MYO5C: variants seen among roughly 807,000 people sequenced by gnomAD.
MYO5C encodes the protein unconventional myosin-Vc.
MYO5C carries 194 observed loss-of-function variants against 235.7 expected under a neutral mutation model. The observed-to-expected ratio is 0.82, with a 90% confidence interval of 0.73 to 0.93. The LOEUF (loss-of-function observed/expected upper bound fraction) is 0.93. Ranked by LOEUF, MYO5C falls within the 40% of genes least tolerant of loss-of-function variation. MYO5C has a pLI of 0.00. For synonymous variants in MYO5C, 707 were observed against 754.8 expected (o/e 0.94, Z 1.04); for missense variants, 2,038 against 2,127.2 (o/e 0.96, Z 0.82).
intron 32 of MYO5C, 47 bp from the exon 33 acceptor site, chr15:52,214,737 T>A: frequency 1.1e-5 from 14 of 1,279,638 alleles, no homozygotes; most frequent in East Asian, 2.6e-5. Context: ...AGCACTTTAA[T>A]CTATTTTTTT....
Position 52,275,678 on chromosome 15 carries a change from C to G in MYO5C, c.490G>C (p.Gly164Arg). The change falls in exon 5 of 41, where the codon GGT (glycine) becomes CGT (arginine). Residue 164 changes from glycine to arginine, a missense_variant. Coordinates refer to ENST00000261839, the MANE Select transcript of MYO5C (RefSeq NM_018728.4). ...CGAGCCGACACTGTCTTTCCAGCACCTGACTCCCCACTTACAATTATGGAC... is the reference window on the plus strand; with the variant it reads ...CGAGCCGACACTGTCTTTCCAGCACGTGACTCCCCACTTACAATTATGGAC... Reference protein sequence around the residue: ...NQSIIVSGESGAGKTVSARYA... With the variant: ...NQSIIVSGESRAGKTVSARYA... The G allele has an allele frequency of 6.2e-7, 1 of 1,614,222 alleles. No homozygotes were observed. The highest frequency in any genetic ancestry group is 8.5e-7 in the Non-Finnish European group (1 of 1,180,034).
At chr15:52,215,505 G>A (rs751485066) in intron 32 of MYO5C, among the ~76,000 whole-genome samples, 2 of 152,174 alleles carry the variant, frequency 1.3e-5, no homozygotes, top group South Asian at 4.1e-4. Context: ...TCTTGGGGCC[G>A]AGGGACATTG....
At position 52,253,357 on chromosome 15, in the gene MYO5C, G is replaced by C; in HGVS notation, c.1496C>G (p.Ala499Gly). 1.2e-6 allele frequency: 2 copies of C among 1,610,446 alleles called. No individual in the cohort carries two copies. The highest frequency in any genetic ancestry group is 1.1e-5 in the South Asian group (1 of 90,516). Residue 499 changes from alanine (A) to glycine (G), a missense_variant, in exon 12 of 41, where the codon GCA becomes GGA. Transcript: ENST00000261839. ...CAGTAACTCCAGAATTCCCATTTTTGCTTCAATCAGGTCAATAACTGGTTG... is the reference window on the plus strand; with the variant it reads ...CAGTAACTCCAGAATTCCCATTTTTCCTTCAATCAGGTCAATAACTGGTTG... ...DNQPVIDLIE[A>G]KMGILELLDE...
intron 4 of MYO5C, chr15:52,277,762 G>C (rs2037083427): frequency 2.2e-6 from 1 of 446,644 alleles, no homozygotes; most frequent in Non-Finnish European, 4.5e-6. Flanking sequence ...ACGGCACCGG[G>C]TCTCTGATGA....
intron 14 of MYO5C, 69 bp from the exon 15 acceptor site, chr15:52,247,661 G>A (rs544415445): frequency 5.3e-5 from 82 of 1,549,960 alleles, no homozygotes; most frequent in Non-Finnish European, 6.6e-5. Context: ...TACAAGCCAC[G>A]TAAATGGTGA....
At chr15:52,289,204 G>A (rs1227388205) in intron 1 of MYO5C, among the ~76,000 whole-genome samples, 4 of 137,958 alleles carry the variant, frequency 2.9e-5, no homozygotes, top group African/African-American at 1.1e-4. Flanking sequence ...CCCCATGTCC[G>A]TGTCTCCCAA....
In MYO5C at chr15:52,247,416, C is replaced by T. The variant is rs1200347512; in HGVS notation, c.1881+42G>A. ...AGTGCCCTGGCTCCCCAGGGCCTGGCCCTGCCTTTAGACCCCTCACTCTCA... is the reference window on the plus strand; with the variant it reads ...AGTGCCCTGGCTCCCCAGGGCCTGGTCCTGCCTTTAGACCCCTCACTCTCA... On this transcript the variant is annotated intron_variant, in intron 15 of 40. Transcript: ENST00000261839. 5 of 1,604,484 alleles carry T rather than the reference C, an allele frequency of 3.1e-6. No homozygotes were observed. In the South Asian group the frequency reaches 4.5e-5, roughly 14 times the overall value.
At chr15:52,287,659 T>C (rs1303508165) in intron 1 of MYO5C, among the ~76,000 whole-genome samples, 1 of 152,148 alleles carries the variant, frequency 6.6e-6, no homozygotes, top group Non-Finnish European at 1.5e-5. Context: ...AACTCCTTTT[T>C]AGAGCTGCAG....
Position 52,282,817 on chromosome 15 carries a change from C to G in MYO5C, c.103G>C (p.Asp35His). The change falls in exon 2 of 41, where the codon GAC (aspartate) becomes CAC (histidine). Residue 35 changes from aspartate to histidine, a missense_variant. By Grantham distance (81) the Asp-to-His change is moderately conservative (BLOSUM62 -1). Transcript: ENST00000261839. The part of the protein sequence containing the change: ...AEIAKDYRVG[D>H]KVLRLLLEDG... ...TCCAGCAGGAGTCGCAGGACCTTGT[C>G]ACCAACTCTGTAGTCCTTGGCTATT... is the stretch of plus-strand genomic sequence containing the variant. The G allele has an allele frequency of 6.2e-7, 1 of 1,613,848 alleles. No individual in the cohort carries two copies.
chr15:52,268,991 A>C (rs1219698016), intron 8 of MYO5C, among the ~76,000 whole-genome samples: 1 of 152,246 alleles, frequency 6.6e-6, no homozygotes, highest in Non-Finnish European at 1.5e-5. Context: ...GTAGGGATTG[A>C]ATGAGTTCAC....
At chr15:52,245,124 C>T (rs1044910888) in intron 18 of MYO5C, among the ~76,000 whole-genome samples, 3 of 152,190 alleles carry the variant, frequency 2.0e-5, no homozygotes, top group Admixed American at 6.5e-5. Context: ...AAACAGGATA[C>T]GAGGACACTG....
chr15:52,276,713 G>C (rs944869080), intron 4 of MYO5C, among the ~76,000 whole-genome samples: 5 of 152,154 alleles, frequency 3.3e-5, no homozygotes, highest in African/African-American at 7.2e-5. Flanking sequence ...AACATTTCAA[G>C]GACATTATTT....
chr15:52,236,940 C>G (rs2036099711), intron 22 of MYO5C: 1 of 152,220 alleles, frequency 6.6e-6, no homozygotes, highest in Non-Finnish European at 1.5e-5. Flanking sequence ...TTCTGTCAGT[C>G]CTTTTTTGTT....
intron 38 of MYO5C, 23 bp downstream of exon 38, chr15:52,204,842 G>C: frequency 6.2e-7 from 1 of 1,609,462 alleles, no homozygotes; most frequent in Middle Eastern, 1.7e-4. Context: ...CTCTCCGCGT[G>C]AGCGGAGGTT....
intron 9 of MYO5C, among the ~76,000 whole-genome samples, chr15:52,262,599 G>A (rs964557772): frequency 6.6e-6 from 1 of 152,178 alleles, no homozygotes; most frequent in Non-Finnish European, 1.5e-5. Flanking sequence ...GGGAGGTCTG[G>A]ACACTGCAGG....
Position 52,260,538 on chromosome 15 carries a change from G to A in MYO5C, c.1313+324C>T, listed in dbSNP as rs553762204. 1.2e-4 allele frequency among the ~76,000 whole-genome samples: 18 copies of A among 152,308 alleles called. No homozygotes were observed. The South Asian group carries it at 3.3e-3, about 28-fold the overall frequency. On this transcript the variant is annotated intron_variant, in intron 10 of 40. Transcript: ENST00000261839. ...AAGTTATTGAGTCTTTCTAAGCCTT[G>A]GTTGTTGCAGCTCTACAACGGGGAT...
chr15:52,218,593 T>C lies in MYO5C; in HGVS notation c.3880A>G (p.Lys1294Glu). Residue 1294 changes from lysine (K) to glutamate (E), a missense_variant, in exon 32 of 41, where the codon AAA becomes GAA. Coordinates refer to ENST00000261839, the MANE Select transcript of MYO5C (RefSeq NM_018728.4). ...EMQEASDHLK[K>E]QFETESEVKC... ...ACTTCACTTTCAGTTTCAAATTGTT[T>C]CTTCAAGTGGTCACTGGCCTCCTGC... 6.2e-7 allele frequency: 1 copy of C among 1,614,236 alleles called. No homozygotes were observed. The highest frequency in any genetic ancestry group is 1.3e-5 in the African/African-American group (1 of 75,066).
chr15:52,259,181 G>A (rs1046981018), intron 10 of MYO5C, among the ~76,000 whole-genome samples: 1 of 152,160 alleles, frequency 6.6e-6, no homozygotes, highest in African/African-American at 2.4e-5. Flanking sequence ...AGCACTTTGG[G>A]AGGCCGAGAT....
intron 1 of MYO5C, among the ~76,000 whole-genome samples, chr15:52,283,801 G>A (rs1169022139): frequency 1.3e-5 from 2 of 151,584 alleles, no homozygotes; most frequent in Non-Finnish European, 2.9e-5. Context: ...TCAGCCTCCC[G>A]AGTAGCTAGG....
Sources: gnomAD v4.1 joint callset for allele counts (sites outside exome capture counted in the v4.1 genomes callset) on GRCh38, gnomAD v4.1.1 for gene constraint, MANE v1.5 for transcripts, NCBI Gene and HGNC (gene_info 2026-07-23, HGNC 2026-07-21) for gene names.